SCN3B: variants seen among roughly 807,000 people sequenced by gnomAD.
SCN3B encodes sodium channel regulatory subunit beta-3.
A neutral mutation model predicts 25.4 loss-of-function variants in SCN3B; 11 were observed. The ratio of observed to expected loss-of-function variants is 0.43; its 90% CI spans 0.27 to 0.72. The LOEUF (loss-of-function observed/expected upper bound fraction) is 0.72, where lower values mean the gene tolerates loss of function less well. Among genes scored for constraint, SCN3B ranks in the 30% least tolerant of loss-of-function variants. The pLI is 0.18. For synonymous variants in SCN3B, 109 were observed against 110.7 expected (o/e 0.99, Z 0.09); for missense variants, 218 against 278.3 (o/e 0.78, Z 1.54).
intron 5 of SCN3B, among the ~76,000 whole-genome samples, chr11:123,636,854 C>A (rs1165132695): frequency 6.6e-6 from 1 of 151,992 alleles, no homozygotes; most frequent in Admixed American, 6.6e-5. Context: ...CCACCATGCC[C>A]GGCTAATTTT....
At position 123,642,475 on chromosome 11, in the gene SCN3B, C is replaced by T. The variant is rs770801747; in HGVS notation, c.416G>A (p.Arg139Gln). The change falls in exon 4 of 7, where the codon CGG becomes CAG. Residue 139 changes from arginine (R) to glutamine (Q), a missense_variant. Arg to Gln is a conservative substitution (Grantham distance 43, BLOSUM62 1). Transcript: ENST00000299333. The surrounding 1 kb of genome is among the most constrained non-coding windows in gnomAD (Gnocchi z 4.3). ...CTCGGTGACTCTTAGGGGGATCAGC[C>T]GCGTCGTCTTCACAAAGGGCCGATG... ...EAHRPFVKTTRLIPLRVTEEA... is the reference protein window; with the variant it reads ...EAHRPFVKTTQLIPLRVTEEA... 3.5e-5 allele frequency: 57 copies of T among 1,614,002 alleles called. No individual in the cohort carries two copies. The highest frequency in any genetic ancestry group is 6.7e-5 in the East Asian group (3 of 44,876).
chr11:123,643,936 A>G (rs1174200017), intron 3 of SCN3B, among the ~76,000 whole-genome samples: 2 of 152,258 alleles, frequency 1.3e-5, no homozygotes, highest in East Asian at 3.8e-4. Flanking sequence ...GCAAATCTGC[A>G]TCAGAATGGC....
Position 123,642,399 on chromosome 11 carries a change from G to A in SCN3B, c.445+47C>T. ...GAAAACTGCTGTCCTACCCTTCCCT[G>A]TCCACAGAGAGCAGGACGCCCTAGA... On this transcript the variant is annotated intron_variant, in intron 4 of 6. Transcript: ENST00000299333. The surrounding 1 kb of genome is among the most constrained non-coding windows in gnomAD (Gnocchi z 4.3). 1.9e-6 allele frequency: 3 copies of A among 1,583,558 alleles called. No individual in the cohort carries two copies. The highest frequency in any genetic ancestry group is 2.6e-6 in the Non-Finnish European group (3 of 1,152,422).
Position 123,642,907 on chromosome 11 carries a change from G to A in SCN3B, c.220-236C>T, listed in dbSNP as rs1955808767. Among the ~76,000 whole-genome samples the A allele has an allele frequency of 6.6e-6, 1 of 152,068 alleles. No homozygotes were observed. The highest frequency in any genetic ancestry group is 1.5e-5 in the Non-Finnish European group (1 of 68,016). ...AGAGGCAGCAGGCATCAGGGCATGT[G>A]GACGTGGTGAGGACAGAGGCAGCCA... On this transcript the variant is annotated intron_variant, in intron 3 of 6. Coordinates refer to ENST00000299333, the MANE Select transcript of SCN3B (RefSeq NM_001040151.2). This position sits in a 1 kb window ranked among gnomAD's most constrained non-coding sequence, Gnocchi z 4.3.
Position 123,654,231 on chromosome 11 carries a change from G to C in SCN3B, c.-31C>G, listed in dbSNP as rs1271588706. The C allele has an allele frequency of 8.6e-6, 2 of 232,582 alleles. No homozygotes were observed. Among genetic ancestry groups the C allele is most frequent in the Non-Finnish European group, 1.7e-5 (2 of 115,420 alleles). 14.4% of individuals were successfully genotyped at this position (232,582 alleles called of 1,614,324 possible). On this transcript the variant is annotated 5_prime_UTR_variant, in exon 1 of 7. Coordinates refer to ENST00000299333, the MANE Select transcript of SCN3B (RefSeq NM_001040151.2). ...AAGGGTCCAGGTTGATTCACCTCTC[G>C]CCTCCCCAGGATCGGTTGCGTTCCG...
intron 2 of SCN3B, among the ~76,000 whole-genome samples, chr11:123,649,710 TC>T: frequency 6.6e-6 from 1 of 151,806 alleles, no homozygotes; most frequent in African/African-American, 2.4e-5. Context: ...TCTCTCTCTT[TC>T]TTTTTTTTTT....
At chr11:123,636,186 A>G (rs1955722980) in intron 5 of SCN3B, among the ~76,000 whole-genome samples, 1 of 152,204 alleles carries the variant, frequency 6.6e-6, no homozygotes, top group Non-Finnish European at 1.5e-5. Context: ...GTAACTTTAA[A>G]AGCATTTTAA....
intron 2 of SCN3B, among the ~76,000 whole-genome samples, chr11:123,649,607 C>A (rs547419043): frequency 3.3e-5 from 5 of 151,956 alleles, no homozygotes; most frequent in South Asian, 2.1e-4. Context: ...TTTCTCCTTT[C>A]TTTTTCTTTT....
chr11:123,651,322 T>G (rs1955923477), intron 2 of SCN3B, among the ~76,000 whole-genome samples: 1 of 152,036 alleles, frequency 6.6e-6, no homozygotes, highest in African/African-American at 2.4e-5. Context: ...ATATTGGAAT[T>G]GCATGCAAAT....
At chr11:123,645,816 C>A in intron 2 of SCN3B, 66 bp from the exon 3 acceptor site, 1 of 1,565,960 alleles carries the variant, frequency 6.4e-7, no homozygotes, top group Non-Finnish European at 8.8e-7. Context: ...AGGAGAGAAA[C>A]ATTGGAGAAG....
At chr11:123,643,014 C>A (rs72552171) in intron 3 of SCN3B, among the ~76,000 whole-genome samples, 60 of 152,064 alleles carry the variant, frequency 3.9e-4, no homozygotes, top group Non-Finnish European at 6.9e-4. Flanking sequence ...AGTATGGGAG[C>A]CCAGGAGACG....
At chr11:123,638,846 G>T in intron 4 of SCN3B, 1 of 192,510 alleles carries the variant, frequency 5.2e-6, no homozygotes, top group Non-Finnish European at 1.1e-5. Flanking sequence ...AGAGAGCGTT[G>T]GAAAACTCAT....
chr11:123,651,297 C>A (rs780682774), intron 2 of SCN3B, among the ~76,000 whole-genome samples: 3 of 151,956 alleles, frequency 2.0e-5, no homozygotes, highest in Non-Finnish European at 2.9e-5. Context: ...ACATCTAACC[C>A]AGCATTATTG....
At chr11:123,645,451 T>C (rs1955843815) in intron 3 of SCN3B, 136 bp downstream of exon 3, 2 of 958,030 alleles carry the variant, frequency 2.1e-6, no homozygotes, top group Non-Finnish European at 3.4e-6. Flanking sequence ...CTGTCAGTTA[T>C]CTGCTGAGGA....
intron 5 of SCN3B, among the ~76,000 whole-genome samples, chr11:123,635,758 A>C (rs1955717611): frequency 6.6e-6 from 1 of 152,128 alleles, no homozygotes; most frequent in Admixed American, 6.6e-5. Context: ...TTGCAAATTT[A>C]CTGCTCTTTC....
chr11:123,636,202 TA>T (rs1180861434), intron 5 of SCN3B, among the ~76,000 whole-genome samples: 1 of 152,262 alleles, frequency 6.6e-6, no homozygotes, highest in Non-Finnish European at 1.5e-5. Flanking sequence ...TTTAATATTT[TA>T]AATATTTAAA....
chr11:123,649,527 C>A (rs1289336943), intron 2 of SCN3B, among the ~76,000 whole-genome samples: 1 of 152,214 alleles, frequency 6.6e-6, no homozygotes, highest in African/African-American at 2.4e-5. Context: ...TGACTTGCTG[C>A]TCCTTGCTTC....
In SCN3B at chr11:123,630,121, G is replaced by T. The variant is rs1327264159; in HGVS notation, c.*3678C>A. 1 of 152,252 alleles carries T rather than the reference G, an allele frequency of 6.6e-6. No homozygotes were observed. The highest frequency in any genetic ancestry group is 1.9e-4 in the East Asian group (1 of 5,196). The allele number at this position is 152,252 out of a possible 1,614,324, so 9.4% of individuals were successfully genotyped here. On this transcript the variant is annotated 3_prime_UTR_variant, in exon 7 of 7. Coordinates refer to ENST00000299333, the MANE Select transcript of SCN3B (RefSeq NM_001040151.2). ...ATATTTCTAGTTGGACATCTAAGGAGAAACCTGCAACTCAGAAGGAAGTCT... is the reference window on the plus strand; with the variant it reads ...ATATTTCTAGTTGGACATCTAAGGATAAACCTGCAACTCAGAAGGAAGTCT...
intron 5 of SCN3B, among the ~76,000 whole-genome samples, chr11:123,636,176 G>A (rs1955722766): frequency 6.6e-6 from 1 of 152,068 alleles, no homozygotes; most frequent in African/African-American, 2.4e-5. Context: ...TCTTGCTATT[G>A]TAACTTTAAA....
Sources: allele counts gnomAD v4.1 joint callset (sites outside exome capture counted in the v4.1 genomes callset), GRCh38; gene constraint gnomAD v4.1.1; non-coding constraint Gnocchi (gnomAD v3.1); transcripts MANE v1.5; gene names NCBI Gene and HGNC (gene_info 2026-07-23, HGNC 2026-07-21).